Variants in TRIQK observed in about 807,000 individuals in gnomAD.
TRIQK encodes triple QxxK/R motif-containing protein.
A neutral mutation model predicts 10.8 loss-of-function variants in TRIQK; 10 were observed. The observed-to-expected ratio is 0.92, with a 90% CI of 0.57 to 1.57. The LOEUF is 1.57. TRIQK is among the 40% of genes most tolerant of loss of function. The pLI, the probability that TRIQK is intolerant of heterozygous loss-of-function variation, is 0.00. For synonymous variants in TRIQK, 33 were observed against 33.7 expected (o/e 0.98, Z 0.07); for missense variants, 107 against 97.7 (o/e 1.09, Z -0.40).
rs991699847 is a variant in TRIQK at position 93,006,273 on chromosome 8, T to C, written c.-181+11336A>G. Among the ~76,000 whole-genome samples the C allele has an allele frequency of 5.3e-5, 8 of 152,174 alleles. No homozygotes were observed. The East Asian group carries it at 5.8e-4, about 11-fold the overall frequency. ...GCAACTCGGTATCCAAGTTATTTCATTGGGACTGACTAGACGGTTGGCATG... is the reference window on the plus strand; with the variant it reads ...GCAACTCGGTATCCAAGTTATTTCACTGGGACTGACTAGACGGTTGGCATG... On this transcript the variant is annotated intron_variant, in intron 1 of 4. Transcript: ENST00000520686.
intron 3 of TRIQK, among the ~76,000 whole-genome samples, chr8:92,915,501 T>G (rs922683911): frequency 5.9e-5 from 9 of 151,782 alleles, no homozygotes; most frequent in Non-Finnish European, 1.3e-4. Flanking sequence ...TTTTTTTTTT[T>G]GAGATGGAGT....
intron 2 of TRIQK, among the ~76,000 whole-genome samples, chr8:92,917,321 A>G (rs1809916408): frequency 6.6e-6 from 1 of 152,014 alleles, no homozygotes; most frequent in Non-Finnish European, 1.5e-5. Flanking sequence ...ATTTACTTAG[A>G]TAGGTTGGGG....
intron 1 of TRIQK, among the ~76,000 whole-genome samples, chr8:92,981,205 G>A (rs113134896): frequency 1.1e-4 from 16 of 151,726 alleles, no homozygotes; most frequent in East Asian, 3.9e-4. Context: ...CGTGCAATAC[G>A]TTCAGTGAAT....
chr8:92,934,017 C>G lies in TRIQK; in HGVS notation c.-21-17007G>C, dbSNP rs568289798. 2.0e-5 allele frequency among the ~76,000 whole-genome samples: 3 copies of G among 152,118 alleles called. No homozygotes were observed. The South Asian group carries it at 6.2e-4, about 31-fold the overall frequency. On this transcript the variant is annotated intron_variant, in intron 2 of 4. Transcript: ENST00000521988. ...CTAGGGAAAGTCACTCAGTTCCACA[C>G]AGAGAGAGCAGGAGAGAAAGTGTGA...
At chr8:92,914,803 A>T (rs1474180539) in intron 3 of TRIQK, among the ~76,000 whole-genome samples, 3 of 152,180 alleles carry the variant, frequency 2.0e-5, no homozygotes, top group Non-Finnish European at 4.4e-5. Flanking sequence ...GGAAAAAAAT[A>T]GTATGGAGAT....
At chr8:92,919,467 T>C (rs1167892500) in intron 2 of TRIQK, among the ~76,000 whole-genome samples, 2 of 151,896 alleles carry the variant, frequency 1.3e-5, no homozygotes, top group Non-Finnish European at 2.9e-5. Context: ...TGTTGAACCA[T>C]CCCTGCATCA....
chr8:92,928,650 A>G (rs1810565479), intron 2 of TRIQK, among the ~76,000 whole-genome samples: 1 of 152,190 alleles, frequency 6.6e-6, no homozygotes, highest in African/African-American at 2.4e-5. Context: ...GGTCACAGGC[A>G]ATTCTTTTGC....
chr8:92,923,014 A>ATTTATTAG (rs1810264933), intron 2 of TRIQK, among the ~76,000 whole-genome samples: 1 of 151,812 alleles, frequency 6.6e-6, no homozygotes, highest in African/African-American at 2.4e-5. Flanking sequence ...TAAATTACTT[A>ATTTATTAG]CATTTTATTA....
At chr8:92,992,422 G>A (rs1586525142) in intron 1 of TRIQK, among the ~76,000 whole-genome samples, 2 of 152,170 alleles carry the variant, frequency 1.3e-5, no homozygotes, top group African/African-American at 4.8e-5. Flanking sequence ...ACAGTGCCAG[G>A]CAAAGGTGCA....
intron 2 of TRIQK, among the ~76,000 whole-genome samples, chr8:92,945,072 A>T (rs1244286354): frequency 6.6e-6 from 1 of 152,208 alleles, no homozygotes; most frequent in South Asian, 2.1e-4. Context: ...GCATATTTAC[A>T]TATGATAAAT....
At chr8:93,014,007 A>AT (rs1192792772) in intron 1 of TRIQK, among the ~76,000 whole-genome samples, 2 of 152,178 alleles carry the variant, frequency 1.3e-5, no homozygotes, top group African/African-American at 4.8e-5. Context: ...TAACAGCCAA[A>AT]TTGCCAGAAA....
chr8:92,930,931 T>C (rs1281086828), intron 2 of TRIQK, among the ~76,000 whole-genome samples: 10 of 152,294 alleles, frequency 6.6e-5, no homozygotes, highest in African/African-American at 2.4e-4. Flanking sequence ...GAGGTAAACA[T>C]CTCAGATGGT....
In TRIQK at chr8:92,885,151, G is replaced by T. The variant is rs1816409257; in HGVS notation, c.*1471C>A. 1 of 384,462 alleles carries T rather than the reference G, an allele frequency of 2.6e-6. No individual in the cohort carries two copies. Among genetic ancestry groups the T allele is most frequent in the Non-Finnish European group, 5.2e-6 (1 of 190,890 alleles). 23.8% of individuals were successfully genotyped at this position (384,462 alleles called of 1,614,324 possible). A position where few individuals can be genotyped will look rare whatever the true frequency, so the allele number is the denominator to read the frequency against. Reference sequence around the variant, plus strand: ...GCATAAATGATTTGTGAGGATATTGGAACCTTTGGCTGTTTTCACACCAAT... The same window carrying T: ...GCATAAATGATTTGTGAGGATATTGTAACCTTTGGCTGTTTTCACACCAAT... On this transcript the variant is annotated 3_prime_UTR_variant, in exon 5 of 5. Transcript: ENST00000521988.
rs560329813 is a variant in TRIQK at position 92,977,426 on chromosome 8, C to T, written c.-180-22862G>A. On this transcript the variant is annotated intron_variant, in intron 1 of 4. Transcript: ENST00000520686. ...TGCTTCATAGCTATATATTCAAGTTCGCTCATATTTTCCAATATTAATTCC... is the reference window on the plus strand; with the variant it reads ...TGCTTCATAGCTATATATTCAAGTTTGCTCATATTTTCCAATATTAATTCC... 2.0e-4 allele frequency among the ~76,000 whole-genome samples: 30 copies of T among 151,836 alleles called. No individual in the cohort carries two copies. The South Asian group carries it at 2.1e-3, about 11-fold the overall frequency.
chr8:92,999,580 C>T (rs1813187488), intron 1 of TRIQK, among the ~76,000 whole-genome samples: 1 of 152,134 alleles, frequency 6.6e-6, no homozygotes, highest in Non-Finnish European at 1.5e-5. Context: ...AACAGTGAAT[C>T]TCCAAAAAAA....
intron 2 of TRIQK, among the ~76,000 whole-genome samples, chr8:92,949,067 G>A (rs1051457281): frequency 1.3e-5 from 2 of 152,138 alleles, no homozygotes; most frequent in African/African-American, 2.4e-5. Context: ...TCTGTTTTCT[G>A]TTACATAACT....
intron 2 of TRIQK, among the ~76,000 whole-genome samples, chr8:92,919,542 G>A (rs146985742): frequency 2.6e-4 from 40 of 151,850 alleles, no homozygotes; most frequent in African/African-American, 8.4e-4. Context: ...TTGGTTTGTA[G>A]TGTTTTGTTG....
intron 1 of TRIQK, among the ~76,000 whole-genome samples, chr8:92,963,015 C>T (rs1812537854): frequency 6.6e-6 from 1 of 152,130 alleles, no homozygotes; most frequent in Admixed American, 6.5e-5. Flanking sequence ...TGTCTGTTTA[C>T]AAACGCAAGA....
chr8:92,974,406 C>G (rs192571600), intron 1 of TRIQK: 5 of 152,286 alleles, frequency 3.3e-5, no homozygotes, highest in African/African-American at 1.2e-4. Flanking sequence ...TTTCAATGAG[C>G]TCATCTCATT....
Sources: gnomAD v4.1 joint callset for allele counts (sites outside exome capture counted in the v4.1 genomes callset) on GRCh38, gnomAD v4.1.1 for gene constraint, MANE v1.5 for transcripts, NCBI Gene and HGNC (gene_info 2026-07-23, HGNC 2026-07-21) for gene names.